Variants in SHTN1 observed in about 807,000 individuals in gnomAD.
SHTN1 encodes the protein shootin-1.
A neutral mutation model predicts 83.1 loss-of-function variants in SHTN1; 42 were observed. That is an observed-to-expected ratio of 0.51 (90% CI 0.39 to 0.65). The LOEUF is 0.65. Ranked by LOEUF, SHTN1 falls within the 30% of genes least tolerant of loss-of-function variation. The probability of loss-of-function intolerance (pLI) is 0.00; values close to 1 mark genes in which losing one functional copy is unlikely to be tolerated. For missense variants in SHTN1, 622 were observed against 737.8 expected (o/e 0.84, Z 1.82); for synonymous variants, 224 against 247.7 (o/e 0.90, Z 0.90).
chr10:116,921,666 T>C (rs1848572358), intron 11 of SHTN1, 150 bp from the exon 12 acceptor site: 2 of 563,470 alleles, frequency 3.5e-6, no homozygotes, highest in East Asian at 6.0e-5. Context: ...AAACTTTTCA[T>C]CACTTTACAG....
chr10:117,061,100 A>G (rs917712404), intron 1 of SHTN1, among the ~76,000 whole-genome samples: 37 of 151,572 alleles, frequency 2.4e-4, no homozygotes, highest in African/African-American at 8.7e-4. Context: ...CATAGTTAAG[A>G]CAAGTCTACT....
chr10:116,949,007 T>A lies in SHTN1; in HGVS notation c.535-10A>T. On this transcript the variant is annotated splice_polypyrimidine_tract_variant and intron_variant, in intron 6 of 16. Transcript: ENST00000355371. The stretch of plus-strand genomic sequence containing the variant: ...GTTTAACTTTATTTACCTAAAAATG[T>A]GAAATTTTGAGGGGAGAAAACACCA... 1 of 1,537,112 alleles carries A rather than the reference T, an allele frequency of 6.5e-7. No individual in the cohort carries two copies. The highest frequency in any genetic ancestry group is 8.8e-7 in the Non-Finnish European group (1 of 1,142,100).
chr10:117,060,240 TA>T (rs1330461768), intron 1 of SHTN1, among the ~76,000 whole-genome samples: 1 of 152,024 alleles, frequency 6.6e-6, no homozygotes. Context: ...AAAAATAAAA[TA>T]AAAATATATA....
At chr10:116,917,991 C>T (rs1454249486) in intron 12 of SHTN1, among the ~76,000 whole-genome samples, 6 of 152,272 alleles carry the variant, frequency 3.9e-5, no homozygotes, top group East Asian at 1.9e-4. Context: ...GCAATCTATA[C>T]GAACTTCTAA....
intron 1 of SHTN1, among the ~76,000 whole-genome samples, chr10:117,114,060 A>T (rs1813776044): frequency 6.6e-6 from 1 of 152,048 alleles, no homozygotes; most frequent in African/African-American, 2.4e-5. Flanking sequence ...AATAAAATAA[A>T]AAAAAAAAGC....
intron 1 of SHTN1, among the ~76,000 whole-genome samples, chr10:117,060,897 T>C (rs2133595174): frequency 6.6e-6 from 1 of 152,294 alleles, no homozygotes; most frequent in Non-Finnish European, 1.5e-5. Context: ...CCTAATGTAG[T>C]ACAGTGCCTA....
chr10:116,894,160 AC>A (rs1847434359), intron 16 of SHTN1, among the ~76,000 whole-genome samples: 1 of 152,174 alleles, frequency 6.6e-6, no homozygotes, highest in Non-Finnish European at 1.5e-5. Context: ...TTTGTCAACT[AC>A]CCTTTGGTTT....
intron 15 of SHTN1, among the ~76,000 whole-genome samples, chr10:116,903,465 C>T (rs1224231911): frequency 5.3e-5 from 8 of 151,780 alleles, no homozygotes; most frequent in African/African-American, 1.9e-4. Context: ...ACAGAGGTTG[C>T]AGTGAGCCGA....
At chr10:116,983,260 C>T (rs1851093568) in intron 1 of SHTN1, among the ~76,000 whole-genome samples, 1 of 152,010 alleles carries the variant, frequency 6.6e-6, no homozygotes, top group Non-Finnish European at 1.5e-5. Flanking sequence ...AATGAGTTAA[C>T]ATATAAAAGA....
chr10:117,107,939 C>T (rs1853696766), intron 1 of SHTN1, among the ~76,000 whole-genome samples: 1 of 152,176 alleles, frequency 6.6e-6, no homozygotes, highest in African/African-American at 2.4e-5. Flanking sequence ...GATCCTCCCA[C>T]CTCAGCCTCC....
At chr10:116,901,221 C>G (rs1847722362) in intron 16 of SHTN1, 1 of 985,140 alleles carries the variant, frequency 1.0e-6, no homozygotes, top group Non-Finnish European at 1.2e-6. Flanking sequence ...GAAACACATT[C>G]AATAGCAGGA....
intron 8 of SHTN1, among the ~76,000 whole-genome samples, chr10:116,941,019 A>C (rs1589826737): frequency 1.3e-5 from 2 of 152,238 alleles, no homozygotes; most frequent in African/African-American, 4.8e-5. Context: ...TTTACTAAAC[A>C]CTATGTGATA....
intron 1 of SHTN1, among the ~76,000 whole-genome samples, chr10:117,090,098 T>G (rs1331756236): frequency 1.3e-5 from 2 of 152,188 alleles, no homozygotes; most frequent in African/African-American, 4.8e-5. Flanking sequence ...AAAGAGATAT[T>G]TGTACACCCA....
At chr10:117,109,191 T>C (rs546275665) in intron 1 of SHTN1, among the ~76,000 whole-genome samples, 1 of 152,318 alleles carries the variant, frequency 6.6e-6, no homozygotes, top group Admixed American at 6.5e-5. Context: ...ATTTCTGATA[T>C]AATTAGTCTG....
intron 2 of SHTN1, among the ~76,000 whole-genome samples, chr10:117,022,824 G>C (rs1852282903): frequency 6.6e-6 from 1 of 152,140 alleles, no homozygotes; most frequent in African/African-American, 2.4e-5. Context: ...GGGAGGCTGA[G>C]GCAGGAGAAT....
intron 2 of SHTN1, among the ~76,000 whole-genome samples, chr10:116,974,516 T>C (rs1850722962): frequency 6.6e-6 from 1 of 152,242 alleles, no homozygotes; most frequent in Non-Finnish European, 1.5e-5. Flanking sequence ...ATCCTGCTTC[T>C]TGAAACATAA....
At chr10:116,983,684 ATAAATAC>A (rs1851123304) in intron 1 of SHTN1, among the ~76,000 whole-genome samples, 1,671 of 83,166 alleles carry the variant, frequency 0.02, 15 homozygotes, top group South Asian at 0.043. Flanking sequence ...AGATAGATAG[ATAAATAC>A]ATACATACAT....
chr10:117,064,708 A>G (rs1467086628), intron 1 of SHTN1, among the ~76,000 whole-genome samples: 1 of 150,942 alleles, frequency 6.6e-6, no homozygotes, highest in Non-Finnish European at 1.5e-5. Flanking sequence ...TCCAAACCCC[A>G]CTTGTCCCAC....
intron 15 of SHTN1, among the ~76,000 whole-genome samples, chr10:116,904,085 C>T (rs1226794681): frequency 1.3e-5 from 2 of 152,226 alleles, no homozygotes; most frequent in Non-Finnish European, 2.9e-5. Flanking sequence ...GCTCTGCAAA[C>T]TCTCAGGCTG....
Sources: gnomAD v4.1 joint callset for allele counts (sites outside exome capture counted in the v4.1 genomes callset) on GRCh38, gnomAD v4.1.1 for gene constraint, MANE v1.5 for transcripts, NCBI Gene and HGNC (gene_info 2026-07-23, HGNC 2026-07-21) for gene names.